MGAT4A: variants seen among roughly 807,000 people sequenced by gnomAD.
MGAT4A encodes the protein alpha-1,3-mannosyl-glycoprotein 4-beta-N-acetylglucosaminyltransferase A.
In MGAT4A, 33 loss-of-function variants were observed where a neutral mutation model predicts 74.1. The ratio of observed to expected loss-of-function variants is 0.45; its 90% confidence interval spans 0.34 to 0.60. The LOEUF is 0.60. Among genes scored for constraint, MGAT4A ranks in the 20% least tolerant of loss-of-function variants. The pLI is 0.02. For missense variants in MGAT4A, 479 were observed against 628.3 expected (o/e 0.76, Z 2.54); for synonymous variants, 198 against 210.4 (o/e 0.94, Z 0.51).
chr2:98,663,363 C>T, intron 4 of MGAT4A, 184 bp from the exon 5 acceptor site: 1 of 1,528,828 alleles, frequency 6.5e-7, no homozygotes, highest in South Asian at 1.2e-5. Flanking sequence ...AATTCATTTT[C>T]ACATGGCTTA....
At chr2:98,713,084 G>A (rs1252735789) in intron 2 of MGAT4A, among the ~76,000 whole-genome samples, 1 of 150,376 alleles carries the variant, frequency 6.6e-6, no homozygotes. Context: ...TGGGAGGATT[G>A]CTTGAGCCCA....
chr2:98,720,983 C>T (rs778268900), intron 2 of MGAT4A, among the ~76,000 whole-genome samples: 7 of 152,038 alleles, frequency 4.6e-5, no homozygotes, highest in Non-Finnish European at 8.8e-5. Flanking sequence ...TAAAAGAGAC[C>T]CACAAACACA....
chr2:98,652,486 C>A (rs1487674219), intron 8 of MGAT4A, among the ~76,000 whole-genome samples: 3 of 152,034 alleles, frequency 2.0e-5, no homozygotes, highest in Admixed American at 2.0e-4. Context: ...CGCCCGCCAC[C>A]ACGCCCGGCT....
At chr2:98,631,508 C>A (rs990020894) in intron 14 of MGAT4A, among the ~76,000 whole-genome samples, 3 of 152,246 alleles carry the variant, frequency 2.0e-5, no homozygotes, top group African/African-American at 7.2e-5. Context: ...GCCCTGAGAC[C>A]CTAGCAGGCA....
intron 2 of MGAT4A, among the ~76,000 whole-genome samples, chr2:98,724,331 C>T (rs1702729706): frequency 6.6e-6 from 1 of 152,224 alleles, no homozygotes; most frequent in Admixed American, 6.5e-5. Context: ...CAGGACTTCT[C>T]TGGAAAACCC....
intron 14 of MGAT4A, among the ~76,000 whole-genome samples, chr2:98,631,221 C>A (rs540090667): frequency 6.6e-6 from 1 of 152,364 alleles, no homozygotes; most frequent in South Asian, 2.1e-4. Context: ...TGATGGCCAG[C>A]TGATGGTCTA....
chr2:98,638,469 G>C (rs1435833903), intron 12 of MGAT4A, among the ~76,000 whole-genome samples: 3 of 152,120 alleles, frequency 2.0e-5, no homozygotes, highest in Non-Finnish European at 4.4e-5. Flanking sequence ...TATTTTTGAT[G>C]ACTGCTTACA....
chr2:98,621,521 C>T lies in MGAT4A; in HGVS notation c.*4045G>A. The T allele has an allele frequency of 1.3e-6, 2 of 1,551,642 alleles. No homozygotes were observed. Among genetic ancestry groups the T allele is most frequent in the African/African-American group, 1.4e-5 (1 of 73,162 alleles). ...AAACTCTCTGCTTTTAAAGGAGTCA[C>T]AAGATTTGATTAGCCACCCCCAGAC... On this transcript the variant is annotated 3_prime_UTR_variant, in exon 16 of 16. Transcript: ENST00000393487.
At chr2:98,725,559 T>C (rs1702749555) in intron 2 of MGAT4A, among the ~76,000 whole-genome samples, 2 of 147,184 alleles carry the variant, frequency 1.4e-5, no homozygotes, top group Admixed American at 1.4e-4. Context: ...CTTAGATTAA[T>C]CAAAGGAAAG....
chr2:98,699,984 T>C (rs1443038112), intron 2 of MGAT4A, among the ~76,000 whole-genome samples: 1 of 152,098 alleles, frequency 6.6e-6, no homozygotes, highest in Non-Finnish European at 1.5e-5. Context: ...CGTCCTTGCC[T>C]TTTTCTGCAC....
intron 2 of MGAT4A, among the ~76,000 whole-genome samples, chr2:98,713,801 T>G (rs1438527051): frequency 6.6e-6 from 1 of 152,104 alleles, no homozygotes; most frequent in Non-Finnish European, 1.5e-5. Flanking sequence ...TAATTGCAAT[T>G]AGCATGACAT....
At position 98,623,657 on chromosome 2, in the gene MGAT4A, A is replaced by C; in HGVS notation, c.*1909T>G. 1.0e-6 allele frequency: 1 copy of C among 985,438 alleles called. No individual in the cohort carries two copies. The highest frequency in any genetic ancestry group is 1.2e-6 in the Non-Finnish European group (1 of 829,890). 61.0% of individuals were successfully genotyped at this position (985,438 alleles called of 1,614,324 possible). A position where few individuals can be genotyped will look rare whatever the true frequency, so the allele number is the denominator to read the frequency against. ...TCAACTGGCCTTTAACTGACATAAA[A>C]ATCATTTTTGGCAATGTGATTGACT... On this transcript the variant is annotated 3_prime_UTR_variant, in exon 16 of 16. Transcript: ENST00000393487.
At chr2:98,638,204 A>G (rs1199757444) in intron 12 of MGAT4A, among the ~76,000 whole-genome samples, 1 of 152,180 alleles carries the variant, frequency 6.6e-6, no homozygotes, top group Non-Finnish European at 1.5e-5. Context: ...AGTTTAATAG[A>G]TTTTTTGCAG....
At chr2:98,628,833 A>T (rs1701183607) in intron 14 of MGAT4A, among the ~76,000 whole-genome samples, 1 of 152,190 alleles carries the variant, frequency 6.6e-6, no homozygotes, top group African/African-American at 2.4e-5. Context: ...GTCCAATTAT[A>T]AATGCATCAT....
intron 14 of MGAT4A, among the ~76,000 whole-genome samples, chr2:98,630,950 G>A (rs1040107751): frequency 6.6e-6 from 1 of 152,186 alleles, no homozygotes; most frequent in Non-Finnish European, 1.5e-5. Flanking sequence ...GAGAAAAAGT[G>A]AAGGAAATTA....
Position 98,620,089 on chromosome 2 carries a change from C to A in MGAT4A, c.*5477G>T, listed in dbSNP as rs1268869782. On this transcript the variant is annotated 3_prime_UTR_variant, in exon 16 of 16. Coordinates refer to ENST00000393487, the MANE Select transcript of MGAT4A (RefSeq NM_012214.3). Reference sequence around the variant, plus strand: ...GAAAATGATCTAGTTAGTGCCCAAACCGGGTGAAGGAGTGTTTCAGGTAAG... The same window carrying A: ...GAAAATGATCTAGTTAGTGCCCAAAACGGGTGAAGGAGTGTTTCAGGTAAG... The A allele has an allele frequency of 1.3e-5, 2 of 152,114 alleles. No homozygotes were observed. The highest frequency in any genetic ancestry group is 2.9e-5 in the Non-Finnish European group (2 of 68,026). 9.4% of individuals were successfully genotyped at this position (152,114 alleles called of 1,614,324 possible). A position where few individuals can be genotyped will look rare whatever the true frequency, so the allele number is the denominator to read the frequency against.
intron 2 of MGAT4A, among the ~76,000 whole-genome samples, chr2:98,714,253 T>C (rs548353003): frequency 6.6e-6 from 1 of 152,168 alleles, no homozygotes; most frequent in South Asian, 2.1e-4. Context: ...GCCCGGCTAA[T>C]TTTTTGTATT....
intron 13 of MGAT4A, 44 bp downstream of exon 13, chr2:98,636,473 A>T: frequency 7.2e-7 from 1 of 1,392,114 alleles, no homozygotes; most frequent in Non-Finnish European, 1.0e-6. Context: ...TAAGTCTACT[A>T]GTATTAGTTG....
intron 2 of MGAT4A, among the ~76,000 whole-genome samples, chr2:98,682,421 T>TC (rs1553538521): frequency 3.8e-5 from 1 of 26,132 alleles, no homozygotes; most frequent in Non-Finnish European, 8.2e-5. Flanking sequence ...GAATTCCATC[T>TC]CAAAAAAAAA....
Sources: gnomAD v4.1 joint callset for allele counts (sites outside exome capture counted in the v4.1 genomes callset) on GRCh38, gnomAD v4.1.1 for gene constraint, MANE v1.5 for transcripts, NCBI Gene and HGNC (gene_info 2026-07-23, HGNC 2026-07-21) for gene names.